The following CNTN4 variants were observed in gnomAD, a reference collection of about 807,000 sequenced individuals.
CNTN4 encodes the protein contactin 4, also known as contactin-4.
CNTN4 carries 77 observed loss-of-function variants against 122.5 expected under a neutral mutation model. The ratio of observed to expected loss-of-function variants is 0.63; its 90% confidence interval spans 0.52 to 0.76. The LOEUF is 0.76. Ranked by LOEUF, CNTN4 falls within the 30% of genes least tolerant of loss-of-function variation. The pLI is 0.00. For synonymous variants in CNTN4, 512 were observed against 447.0 expected, an observed-to-expected ratio of 1.15 and a Z score of -1.83; for missense variants, 1,256 against 1,259.1, an observed-to-expected ratio of 1.00 and a Z score of 0.04.
rs540732128 is a variant in CNTN4 at position 2,291,731 on chromosome 3, TTTTA to T, written c.-144-47440_-144-47437del. ...AACTATAATATTTTATTTTATTTTA[TTTTA>T]TTTATTAACTTTTTTTGAGATAGAG... is the stretch of plus-strand genomic sequence containing the variant. On this transcript the variant is annotated intron_variant, in intron 2 of 24. Coordinates refer to ENST00000418658, the MANE Select transcript of CNTN4 (RefSeq NM_175607.3). Among the ~76,000 whole-genome samples, 8 of 152,130 alleles carry T rather than the reference TTTTA, an allele frequency of 5.3e-5. No homozygotes were observed. The South Asian group carries it at 1.7e-3, about 32-fold the overall frequency.
intron 2 of CNTN4, among the ~76,000 whole-genome samples, chr3:2,146,893 G>T (rs2035269225): frequency 6.6e-6 from 1 of 151,838 alleles, no homozygotes; most frequent in South Asian, 2.1e-4. Context: ...GTTTTGTTTT[G>T]TTTTTTTGAG....
intron 19 of CNTN4, 33 bp downstream of exon 19, chr3:3,039,036 C>T (rs770564251): frequency 4.3e-5 from 66 of 1,523,006 alleles, no homozygotes; most frequent in South Asian, 9.0e-5. Flanking sequence ...GGAACGTACA[C>T]GCATCGAAGC....
chr3:2,838,355 A>G (rs1450927354), intron 7 of CNTN4, among the ~76,000 whole-genome samples: 1 of 152,198 alleles, frequency 6.6e-6, no homozygotes, highest in Non-Finnish European at 1.5e-5. Context: ...TGAGTTATTG[A>G]GTAAGTCCAA....
At chr3:2,886,432 C>CA (rs1380365051) in intron 9 of CNTN4, among the ~76,000 whole-genome samples, 30 of 146,976 alleles carry the variant, frequency 2.0e-4, no homozygotes, top group Non-Finnish European at 3.0e-5. Context: ...AAAAGAAAAG[C>CA]AAAAAACATA....
chr3:2,689,863 G>A lies in CNTN4; in HGVS notation c.56-46352G>A, dbSNP rs1456600672. Among the ~76,000 whole-genome samples the A allele has an allele frequency of 2.0e-5, 3 of 151,992 alleles. No individual in the cohort carries two copies. In the East Asian group the frequency reaches 5.8e-4, roughly 29 times the overall value. The stretch of plus-strand genomic sequence containing the variant: ...AGCACATACATAAAAATTCTTACCG[G>A]TTCACTGTTTCACATATATTCTTTA... On this transcript the variant is annotated intron_variant, in intron 4 of 24. Coordinates refer to ENST00000418658, the MANE Select transcript of CNTN4 (RefSeq NM_175607.3).
intron 2 of CNTN4, among the ~76,000 whole-genome samples, chr3:2,309,249 A>G (rs2042828047): frequency 6.6e-6 from 1 of 152,112 alleles, no homozygotes; most frequent in Non-Finnish European, 1.5e-5. Flanking sequence ...TAAAGTATTG[A>G]AGTGTGATAT....
intron 2 of CNTN4, among the ~76,000 whole-genome samples, chr3:2,293,794 A>G (rs527562317): frequency 3.3e-5 from 5 of 152,330 alleles, no homozygotes; most frequent in Admixed American, 3.3e-4. Context: ...TCCAAAATAA[A>G]AGTTGAAACT....
At chr3:2,635,302 T>A (rs921521684) in intron 4 of CNTN4, among the ~76,000 whole-genome samples, 4 of 152,220 alleles carry the variant, frequency 2.6e-5, no homozygotes, top group Admixed American at 2.6e-4. Flanking sequence ...GATATTGAGA[T>A]ACCAAACTGT....
At chr3:2,995,901 G>A (rs973757164) in intron 14 of CNTN4, among the ~76,000 whole-genome samples, 17 of 152,288 alleles carry the variant, frequency 1.1e-4, no homozygotes, top group African/African-American at 3.6e-4. Context: ...GGATTCACAC[G>A]TGTTCTGAGG....
intron 13 of CNTN4, among the ~76,000 whole-genome samples, chr3:2,961,231 C>CAAAGAAAAAAAAAAAA (rs2094855016): frequency 2.7e-5 from 1 of 37,262 alleles, no homozygotes; most frequent in Non-Finnish European, 5.0e-5. Flanking sequence ...CTCCATCTCA[C>CAAAGAAAAAAAAAAAA]AAAAAAAAAA....
At chr3:2,765,545 G>A (rs568571568) in intron 6 of CNTN4, among the ~76,000 whole-genome samples, 48 of 152,090 alleles carry the variant, frequency 3.2e-4, no homozygotes, top group Non-Finnish European at 6.2e-4. Flanking sequence ...TGCTCTACTA[G>A]CCTGCTGTGT....
intron 2 of CNTN4, among the ~76,000 whole-genome samples, chr3:2,189,370 A>G (rs1481582870): frequency 1.3e-5 from 2 of 152,116 alleles, no homozygotes; most frequent in African/African-American, 4.8e-5. Flanking sequence ...GTACCTTCAA[A>G]CAGAAGAGGC....
chr3:2,284,503 A>T (rs1027420496), intron 2 of CNTN4, among the ~76,000 whole-genome samples: 2 of 152,036 alleles, frequency 1.3e-5, no homozygotes, highest in African/African-American at 4.8e-5. Context: ...AATCTTATTT[A>T]TACCAAACTT....
intron 2 of CNTN4, among the ~76,000 whole-genome samples, chr3:2,168,949 C>A (rs539388668): frequency 3.3e-5 from 5 of 152,122 alleles, no homozygotes; most frequent in African/African-American, 1.2e-4. Context: ...CTGCAAAATA[C>A]ACAGATTCAG....
chr3:2,201,704 C>T (rs1478231134), intron 2 of CNTN4, among the ~76,000 whole-genome samples: 2 of 152,112 alleles, frequency 1.3e-5, no homozygotes, highest in African/African-American at 2.4e-5. Context: ...AATAAAAAGC[C>T]TTGAGAATCC....
intron 3 of CNTN4, chr3:2,511,354 C>T (rs2076880350): frequency 6.6e-6 from 1 of 152,166 alleles, no homozygotes; most frequent in Admixed American, 6.5e-5. Flanking sequence ...TAATCAGGTT[C>T]GATGCGAGGA....
At chr3:2,888,391 C>T (rs150969893) in intron 10 of CNTN4, among the ~76,000 whole-genome samples, 25 of 152,280 alleles carry the variant, frequency 1.6e-4, no homozygotes, top group African/African-American at 5.8e-4. Flanking sequence ...ATCAACCATG[C>T]ACCTGATGCT....
At chr3:2,423,419 A>G (rs1366067344) in intron 3 of CNTN4, among the ~76,000 whole-genome samples, 3 of 151,758 alleles carry the variant, frequency 2.0e-5, no homozygotes, top group Admixed American at 6.6e-5. Flanking sequence ...GCTCATCCAG[A>G]CACACTTCTC....
chr3:2,256,103 G>T (rs2040578714), intron 2 of CNTN4, among the ~76,000 whole-genome samples: 1 of 152,140 alleles, frequency 6.6e-6, no homozygotes, highest in African/African-American at 2.4e-5. Flanking sequence ...AAATGATAAA[G>T]GGGATATCAC....
Sources: gnomAD v4.1 joint callset for allele counts (sites outside exome capture counted in the v4.1 genomes callset) on GRCh38, gnomAD v4.1.1 for gene constraint, MANE v1.5 for transcripts, NCBI Gene and HGNC (gene_info 2026-07-23, HGNC 2026-07-21) for gene names.